Variants in FOXN3 observed in about 807,000 individuals in gnomAD.
FOXN3 encodes the protein forkhead box N3.
FOXN3 carries 7 observed loss-of-function variants against 38.4 expected under a neutral mutation model. The ratio of observed to expected loss-of-function variants is 0.18; its 90% CI spans 0.10 to 0.34. FOXN3 has a LOEUF of 0.34. Ranked by LOEUF, FOXN3 falls within the 10% of genes least tolerant of loss-of-function variation. The pLI, the probability that FOXN3 is intolerant of heterozygous loss-of-function variation, is 1.00. For missense variants in FOXN3, 456 were observed against 613.4 expected (o/e 0.74, Z 2.71); for synonymous variants, 230 against 242.2 (o/e 0.95, Z 0.47).
rs570882946 is a variant in FOXN3, at chr14:89,260,576, T to C, written c.745+20374A>G. Among the ~76,000 whole-genome samples, 9 of 152,388 alleles carry C rather than the reference T, an allele frequency of 5.9e-5. No individual in the cohort carries two copies. In the East Asian group the frequency reaches 1.7e-3, roughly 29 times the overall value. ...AGGGTCATGTGTACGGCAATGGGCCTGATGGCCGACTTGCTATTAGTTGTT... is the reference window on the plus strand; with the variant it reads ...AGGGTCATGTGTACGGCAATGGGCCCGATGGCCGACTTGCTATTAGTTGTT... On this transcript the variant is annotated intron_variant, in intron 4 of 5. Coordinates refer to ENST00000557258, the MANE Select transcript of FOXN3 (RefSeq NM_005197.4).
At chr14:89,421,651 C>T (rs975759081), upstream of FOXN3, among the ~76,000 whole-genome samples, 99 of 151,156 alleles carry the variant, frequency 6.5e-4, 1 homozygote, top group African/African-American at 2.3e-3. Context: ...CTCAGCCTCC[C>T]GAGTAGGTGG....
At chr14:89,335,497 G>A (rs561506868) in intron 3 of FOXN3, among the ~76,000 whole-genome samples, 1 of 152,296 alleles carries the variant, frequency 6.6e-6, no homozygotes. Context: ...CAGCAAATAT[G>A]CTATTTACAG....
At chr14:89,257,368 TAG>T (rs1354289710) in intron 4 of FOXN3, among the ~76,000 whole-genome samples, 3 of 152,158 alleles carry the variant, frequency 2.0e-5, no homozygotes, top group Non-Finnish European at 4.4e-5. Flanking sequence ...AGGTTCAAAT[TAG>T]AGAGTGTGAA....
chr14:89,475,717 C>T (rs1220384466), intron 1 of FOXN3, among the ~76,000 whole-genome samples: 1 of 152,204 alleles, frequency 6.6e-6, no homozygotes, highest in Non-Finnish European at 1.5e-5. Flanking sequence ...TAACTACCTA[C>T]AAACAGCCTT....
At chr14:89,356,040 GAAAAGAAAAA>G in intron 2 of FOXN3, among the ~76,000 whole-genome samples, 1 of 127,330 alleles carries the variant, frequency 7.9e-6, no homozygotes, top group African/African-American at 2.9e-5. Flanking sequence ...ATTCAGGTAT[GAAAAGAAAAA>G]AAAAGAAAAA....
At chr14:89,340,942 C>T (rs1888597779) in intron 3 of FOXN3, among the ~76,000 whole-genome samples, 2 of 152,156 alleles carry the variant, frequency 1.3e-5, no homozygotes, top group African/African-American at 4.8e-5. Context: ...CCTGACCTCT[C>T]ATTGCTGGCT....
chr14:89,352,552 C>T, intron 2 of FOXN3, among the ~76,000 whole-genome samples: 1 of 152,140 alleles, frequency 6.6e-6, no homozygotes, highest in South Asian at 2.1e-4. Flanking sequence ...CCGGTGGAGC[C>T]CTGGGCCAGT....
In FOXN3 at chr14:89,264,204, A is replaced by ACCC; in HGVS notation, c.745+16745_745+16746insGGG. Reference sequence around the variant, plus strand: ...TAGTCCATTTTCATGCTGCTGATAAAGACATACCCGAGACTGGGTAATTTG... The same window carrying ACCC: ...TAGTCCATTTTCATGCTGCTGATAAACCCGACATACCCGAGACTGGGTAATTTG... On this transcript the variant is annotated intron_variant, in intron 4 of 5. Coordinates refer to ENST00000557258, the MANE Select transcript of FOXN3 (RefSeq NM_005197.4). The ACCC allele has an allele frequency of 2.0e-5, 3 of 153,634 alleles. No homozygotes were observed. In the South Asian group the frequency reaches 6.2e-4, roughly 32 times the overall value. 9.5% of individuals were successfully genotyped at this position (153,634 alleles called of 1,614,324 possible). A position where few individuals can be genotyped will look rare whatever the true frequency, so the allele number is the denominator to read the frequency against.
Position 89,511,231 on chromosome 14 carries a change from T to C in FOXN3, c.-14-98741A>G, listed in dbSNP as rs1481666536. On this transcript the variant is annotated intron_variant, in intron 1 of 6. Transcript: ENST00000345097. The stretch of plus-strand genomic sequence containing the variant: ...TCTTTCTTTCTTTCTTTCTTTCTTT[T>C]CTTTCCTTTTCTTTCTTTTCTTTCT... 2.6e-4 allele frequency among the ~76,000 whole-genome samples: 8 copies of C among 30,676 alleles called. 1 individual carries two copies. The highest frequency in any genetic ancestry group is 6.2e-4 in the Admixed American group (1 of 1,604). The allele number at this position is 30,676 out of a possible 152,430, so 20.1% of individuals were successfully genotyped here. A position where few individuals can be genotyped will look rare whatever the true frequency, so the allele number is the denominator to read the frequency against.
chr14:89,472,247 C>CTT (rs1893109907), intron 1 of FOXN3, among the ~76,000 whole-genome samples: 1 of 149,838 alleles, frequency 6.7e-6, no homozygotes, highest in Admixed American at 6.6e-5. Context: ...AGAGTGAGAA[C>CTT]CCATCTCAAA....
chr14:89,332,871 A>G (rs530745845), intron 3 of FOXN3, among the ~76,000 whole-genome samples: 8 of 152,238 alleles, frequency 5.3e-5, no homozygotes, highest in Non-Finnish European at 1.0e-4. Flanking sequence ...AAAACAAAAC[A>G]AAAAACTAAA....
At chr14:89,502,010 T>TA (rs1244679090) in intron 1 of FOXN3, among the ~76,000 whole-genome samples, 1 of 149,804 alleles carries the variant, frequency 6.7e-6, no homozygotes, top group African/African-American at 2.5e-5. Context: ...TCCTAAAAAT[T>TA]AAAAAAAATT....
chr14:89,498,922 A>C (rs954146127), intron 1 of FOXN3, among the ~76,000 whole-genome samples: 1 of 152,190 alleles, frequency 6.6e-6, no homozygotes, highest in Non-Finnish European at 1.5e-5. Flanking sequence ...TGGATTGTAT[A>C]TGAAAACAAC....
intron 1 of FOXN3, among the ~76,000 whole-genome samples, chr14:89,433,543 G>A (rs149464474): frequency 6.6e-5 from 10 of 151,970 alleles, no homozygotes; most frequent in African/African-American, 1.4e-4. Context: ...GGTGGCTCAC[G>A]CCTATAATCC....
At chr14:89,355,744 G>A (rs982646098) in intron 2 of FOXN3, among the ~76,000 whole-genome samples, 2 of 152,188 alleles carry the variant, frequency 1.3e-5, no homozygotes, top group Admixed American at 1.3e-4. Flanking sequence ...TGATCACCAA[G>A]TAACATACAC....
At chr14:89,546,397 T>C (rs1894886091) in intron 1 of FOXN3, among the ~76,000 whole-genome samples, 1 of 133,878 alleles carries the variant, frequency 7.5e-6, no homozygotes, top group African/African-American at 2.9e-5. Flanking sequence ...TGGCGCAATC[T>C]CGGCTCGCTG....
chr14:89,618,458 A>C (rs1478642593), intron 1 of FOXN3, among the ~76,000 whole-genome samples: 1 of 152,218 alleles, frequency 6.6e-6, no homozygotes, highest in Non-Finnish European at 1.5e-5. Flanking sequence ...ACTCATCTGT[A>C]GATGTCATAT....
chr14:89,402,967 G>T (rs931935321), intron 2 of FOXN3, among the ~76,000 whole-genome samples: 2 of 152,162 alleles, frequency 1.3e-5, no homozygotes, highest in Admixed American at 6.5e-5. Flanking sequence ...TTATTCAAGT[G>T]AACATAAGGA....
intron 4 of FOXN3, among the ~76,000 whole-genome samples, chr14:89,242,977 C>T (rs958188802): frequency 7.2e-5 from 11 of 152,162 alleles, no homozygotes; most frequent in African/African-American, 2.7e-4. Context: ...GTGTAATTTA[C>T]ACATTCTTTA....
Sources: gnomAD v4.1 joint callset for allele counts (sites outside exome capture counted in the v4.1 genomes callset) on GRCh38, gnomAD v4.1.1 for gene constraint, MANE v1.5 for transcripts, NCBI Gene and HGNC (gene_info 2026-07-23, HGNC 2026-07-21) for gene names.